Variants in C12orf54 observed in about 807,000 individuals in gnomAD.
C12orf54 encodes uncharacterized protein C12orf54.
A neutral mutation model predicts 26.4 loss-of-function variants in C12orf54; 24 were observed. That is an observed-to-expected ratio of 0.91 (90% confidence interval 0.66 to 1.28). The LOEUF is 1.28. C12orf54 is among the 50% of genes most tolerant of loss of function. The probability of loss-of-function intolerance (pLI) is 0.00; values close to 1 mark genes in which losing one functional copy is unlikely to be tolerated. For synonymous variants in C12orf54, 54 were observed against 47.0 expected (o/e 1.15, Z -0.61); for missense variants, 154 against 150.9 (o/e 1.02, Z -0.11).
chr12:48,488,481 C>CAAAAAAAA (rs551426749), intron 4 of C12orf54: 1 of 186,454 alleles, frequency 5.4e-6, no homozygotes. Flanking sequence ...AACTTACAGC[C>CAAAAAAAA]AAAAAAAAAA....
At chr12:48,420,919 T>G in the C12orf54 span, among the ~76,000 whole-genome samples, 10 of 152,200 alleles carry the variant, frequency 6.6e-5, no homozygotes, top group African/African-American at 1.9e-4. Flanking sequence ...TTTTAACTCA[T>G]GCACAGAAGG....
chr12:48,467,456 G>A, the C12orf54 span, among the ~76,000 whole-genome samples: 1 of 152,066 alleles, frequency 6.6e-6, no homozygotes, highest in Non-Finnish European at 1.5e-5. Flanking sequence ...ACTCAGCAAT[G>A]AAAATGAATG....
At chr12:48,472,865 G>A in the C12orf54 span, 1 of 1,613,984 alleles carries the variant, frequency 6.2e-7, no homozygotes, top group Non-Finnish European at 8.5e-7. Flanking sequence ...ACAAACTTAA[G>A]AAGCTTGAAC....
chr12:48,463,715 C>A, the C12orf54 span, among the ~76,000 whole-genome samples: 1 of 151,964 alleles, frequency 6.6e-6, no homozygotes, highest in Non-Finnish European at 1.5e-5. Context: ...AGCAGCATAT[C>A]AAAAAGCTTA....
the C12orf54 span, among the ~76,000 whole-genome samples, chr12:48,461,729 G>A: frequency 6.6e-6 from 1 of 151,768 alleles, no homozygotes; most frequent in Admixed American, 6.6e-5. Flanking sequence ...ATGCAGCTAA[G>A]TCCCACAAAT....
the C12orf54 span, among the ~76,000 whole-genome samples, chr12:48,440,590 G>T: frequency 6.6e-6 from 1 of 152,208 alleles, no homozygotes; most frequent in Admixed American, 6.5e-5. Flanking sequence ...GGGCCAAGCG[G>T]CAGAGCTACT....
the C12orf54 span, among the ~76,000 whole-genome samples, chr12:48,466,749 T>C: frequency 2.0e-5 from 3 of 152,282 alleles, no homozygotes; most frequent in Admixed American, 2.0e-4. Context: ...AAAATGGTAC[T>C]GCAACTTTAG....
chr12:48,494,578 T>C (rs1353024832), intron 7 of C12orf54, among the ~76,000 whole-genome samples: 2 of 152,124 alleles, frequency 1.3e-5, no homozygotes, highest in East Asian at 3.9e-4. Context: ...AAACATAGGC[T>C]GTAATAGGTT....
the C12orf54 span, among the ~76,000 whole-genome samples, chr12:48,423,911 C>T: frequency 1.7e-4 from 26 of 152,026 alleles, no homozygotes; most frequent in Non-Finnish European, 2.9e-4. Context: ...TTGCCTTGTT[C>T]TCCATCTAAG....
At chr12:48,473,211 G>GCTCA in the C12orf54 span, 1 of 1,273,570 alleles carries the variant, frequency 7.9e-7, no homozygotes, top group South Asian at 1.2e-5. Flanking sequence ...TGATGAAGAT[G>GCTCA]CTCAGGTAAT....
chr12:48,439,193 A>G, the C12orf54 span, among the ~76,000 whole-genome samples: 3 of 152,234 alleles, frequency 2.0e-5, no homozygotes, highest in East Asian at 3.8e-4. Context: ...CGAAACCACA[A>G]TGAGATACCA....
At chr12:48,473,228 TGAG>T in the C12orf54 span, 51 of 1,182,096 alleles carry the variant, frequency 4.3e-5, no homozygotes, top group Non-Finnish European at 6.3e-5. Context: ...TAATGGAAGA[TGAG>T]GAGGACGAGG....
upstream of C12orf54, among the ~76,000 whole-genome samples, chr12:48,480,061 C>A (rs1032248760): frequency 5.3e-5 from 8 of 151,818 alleles, no homozygotes; most frequent in African/African-American, 1.4e-4. Context: ...AAAGCAAGAC[C>A]CTGGTATATC....
chr12:48,492,994 G>C lies in C12orf54; in HGVS notation c.241G>C (p.Gly81Arg), dbSNP rs1937824959. 6.2e-7 allele frequency: 1 copy of C among 1,613,660 alleles called. No homozygotes were observed. Among genetic ancestry groups the C allele is most frequent in the Admixed American group, 1.7e-5 (1 of 60,008 alleles). The part of the protein sequence containing the change: ...MTPMTSAPRT[G>R]SIRPPDSLMT... ...ACCCATGACATCAGCACCCAGGACT[G>C]GGTAAGTGTCCCTATTCTGACAATG... is the stretch of plus-strand genomic sequence containing the variant. The change falls in exon 7 of 9, where the codon GGA becomes CGA. Residue 81 changes from glycine (G) to arginine (R), a missense_variant and splice_region_variant. Physicochemically the swap from Gly to Arg is moderately radical, Grantham distance 125. Transcript: ENST00000548364.
intron 3 of C12orf54, 71 bp downstream of exon 3, chr12:48,486,279 G>A: frequency 6.7e-7 from 1 of 1,482,146 alleles, no homozygotes; most frequent in Non-Finnish European, 9.4e-7. Context: ...AGGAGAAGAG[G>A]TTGTAGACAG....
At chr12:48,446,024 A>C in the C12orf54 span, among the ~76,000 whole-genome samples, 2 of 152,206 alleles carry the variant, frequency 1.3e-5, no homozygotes, top group East Asian at 3.9e-4. Flanking sequence ...TAGTAGAAAC[A>C]GAGGGGAACA....
chr12:48,420,259 G>A, the C12orf54 span, among the ~76,000 whole-genome samples: 2 of 152,278 alleles, frequency 1.3e-5, no homozygotes, highest in African/African-American at 4.8e-5. Context: ...ATTCCTTGGG[G>A]TTCAGCCAGA....
chr12:48,459,109 T>G, the C12orf54 span, among the ~76,000 whole-genome samples: 1 of 152,232 alleles, frequency 6.6e-6, no homozygotes, highest in Non-Finnish European at 1.5e-5. Context: ...TTTATTTCTT[T>G]ACTTGCTTAA....
At chr12:48,425,542 G>A in the C12orf54 span, among the ~76,000 whole-genome samples, 7 of 152,046 alleles carry the variant, frequency 4.6e-5, no homozygotes, top group African/African-American at 1.7e-4. Flanking sequence ...GAACATATGT[G>A]TGCATGTGTC....
Sources: allele counts gnomAD v4.1 joint callset (sites outside exome capture counted in the v4.1 genomes callset), GRCh38; gene constraint gnomAD v4.1.1; transcripts MANE v1.5; gene names NCBI Gene and HGNC (gene_info 2026-07-23, HGNC 2026-07-21).